PRKN: variants seen among roughly 807,000 people sequenced by gnomAD.
PRKN encodes the protein parkin RBR E3 ubiquitin protein ligase, also known as E3 ubiquitin-protein ligase parkin.
A neutral mutation model predicts 59.5 loss-of-function variants in PRKN; 56 were observed. That is an observed-to-expected ratio of 0.94 (90% confidence interval 0.76 to 1.18). The LOEUF is 1.18. Ranked by LOEUF, PRKN falls within the 50% of genes most tolerant of loss-of-function variation. PRKN has a pLI of 0.00. For synonymous variants in PRKN, 250 were observed against 222.1 expected, an observed-to-expected ratio of 1.13 and a Z score of -1.12; for missense variants, 657 against 596.4, an observed-to-expected ratio of 1.10 and a Z score of -1.06.
chr6:162,521,662 ATATG>A (rs1778082367), intron 1 of PRKN, among the ~76,000 whole-genome samples: 1 of 152,110 alleles, frequency 6.6e-6, no homozygotes, highest in Non-Finnish European at 1.5e-5. Context: ...AGCATATTAT[ATATG>A]TGTGTATGTG....
At chr6:162,235,910 G>GAATC (rs1562602018) in intron 3 of PRKN, among the ~76,000 whole-genome samples, 1 of 50,294 alleles carries the variant, frequency 2.0e-5, no homozygotes, top group African/African-American at 1.5e-4. Context: ...GGAAAGGAAG[G>GAATC]AAGGAAGGAA....
chr6:161,910,609 G>T (rs1291225158), intron 6 of PRKN, among the ~76,000 whole-genome samples: 2 of 152,168 alleles, frequency 1.3e-5, no homozygotes, highest in Non-Finnish European at 2.9e-5. Context: ...CTTTGACAGG[G>T]TTTGAGAGGA....
chr6:162,182,966 CT>C (rs1022888914), intron 4 of PRKN, among the ~76,000 whole-genome samples: 6 of 151,718 alleles, frequency 4.0e-5, no homozygotes, highest in Admixed American at 6.6e-5. Context: ...TTTCTGACAC[CT>C]TTTTTTCTTT....
At chr6:162,118,260 C>G (rs1005830013) in intron 4 of PRKN, among the ~76,000 whole-genome samples, 1 of 151,818 alleles carries the variant, frequency 6.6e-6, no homozygotes, top group African/African-American at 2.4e-5. Flanking sequence ...AAAAAATTAG[C>G]CAGGCGTGGT....
intron 6 of PRKN, among the ~76,000 whole-genome samples, chr6:161,787,234 A>G (rs1440266876): frequency 6.6e-6 from 1 of 152,202 alleles, no homozygotes; most frequent in Non-Finnish European, 1.5e-5. Flanking sequence ...CTGTTATCCC[A>G]CTTACTTCAA....
chr6:162,598,052 A>G (rs968196460), intron 1 of PRKN, among the ~76,000 whole-genome samples: 1 of 152,232 alleles, frequency 6.6e-6, no homozygotes, highest in African/African-American at 2.4e-5. Context: ...ATGGAAATGA[A>G]TTCATTTCAC....
At chr6:161,630,388 C>T (rs1162589774) in intron 7 of PRKN, among the ~76,000 whole-genome samples, 1 of 152,178 alleles carries the variant, frequency 6.6e-6, no homozygotes, top group African/African-American at 2.4e-5. Context: ...GGGTGACACA[C>T]ACGGTATGTC....
intron 2 of PRKN, among the ~76,000 whole-genome samples, chr6:162,407,616 A>G (rs1788136444): frequency 1.3e-5 from 2 of 152,202 alleles, no homozygotes; most frequent in Admixed American, 1.3e-4. Flanking sequence ...TCTTAAAATT[A>G]TTACATAACA....
chr6:162,139,850 GT>G (rs1781704369), intron 4 of PRKN, among the ~76,000 whole-genome samples: 2 of 149,200 alleles, frequency 1.3e-5, no homozygotes, highest in African/African-American at 5.0e-5. Flanking sequence ...ACTTTGAGTT[GT>G]TTTAAACATT....
rs890253947 is a variant in PRKN at position 161,428,718 on chromosome 6, A to AT, written c.1084-41842dup. Among the ~76,000 whole-genome samples the AT allele has an allele frequency of 1.5e-4, 23 of 151,904 alleles. No homozygotes were observed. Among genetic ancestry groups the AT allele is most frequent in the Admixed American group, 8.5e-4 (13 of 15,248 alleles). ...TCACAACCAAAAAAAGCACATTCAC[A>AT]TTTTTTTTCTTTCATTTTTCTGCCT... On this transcript the variant is annotated intron_variant, in intron 9 of 11. Coordinates refer to ENST00000366898, the MANE Select transcript of PRKN (RefSeq NM_004562.3). The surrounding 1 kb of genome is among the most constrained non-coding windows in gnomAD (Gnocchi z 4.0).
intron 4 of PRKN, among the ~76,000 whole-genome samples, chr6:162,188,577 C>T (rs145247576): frequency 2.0e-5 from 3 of 152,282 alleles, no homozygotes; most frequent in Admixed American, 6.5e-5. Flanking sequence ...ATTTCAGGAT[C>T]TTCTTTCATA....
chr6:161,939,595 G>A (rs1216140344), intron 6 of PRKN, among the ~76,000 whole-genome samples: 1 of 151,262 alleles, frequency 6.6e-6, no homozygotes, highest in African/African-American at 2.4e-5. Flanking sequence ...AGTCGGGTGT[G>A]GTGGTGGGTT....
chr6:162,399,981 G>A (rs193267567), intron 2 of PRKN, among the ~76,000 whole-genome samples: 11 of 152,268 alleles, frequency 7.2e-5, no homozygotes, highest in East Asian at 5.8e-4. Context: ...CAAAGTGGGC[G>A]GATCACCTTA....
chr6:162,538,125 G>A (rs1220837118), intron 1 of PRKN, among the ~76,000 whole-genome samples: 1 of 152,200 alleles, frequency 6.6e-6, no homozygotes, highest in Admixed American at 6.5e-5. Flanking sequence ...CTCGGCGGGT[G>A]CGGTGGCTCA....
At chr6:161,968,932 T>A (rs1273102352) in intron 6 of PRKN, among the ~76,000 whole-genome samples, 3 of 152,218 alleles carry the variant, frequency 2.0e-5, no homozygotes, top group Non-Finnish European at 2.9e-5. Flanking sequence ...AGCTTTCATA[T>A]GGAGAAAGTT....
At chr6:161,810,270 C>A (rs1024229426) in intron 6 of PRKN, among the ~76,000 whole-genome samples, 9 of 152,184 alleles carry the variant, frequency 5.9e-5, no homozygotes, top group Non-Finnish European at 1.3e-4. Context: ...AGAGAGGCCT[C>A]AGAAGAAACC....
At chr6:162,563,404 C>A (rs989790513) in intron 1 of PRKN, among the ~76,000 whole-genome samples, 3 of 152,160 alleles carry the variant, frequency 2.0e-5, no homozygotes, top group African/African-American at 7.2e-5. Context: ...CAGATCTTGT[C>A]CAAGACCATC....
At chr6:162,713,737 T>C (rs1383113711) in intron 1 of PRKN, among the ~76,000 whole-genome samples, 1 of 152,152 alleles carries the variant, frequency 6.6e-6, no homozygotes, top group East Asian at 1.9e-4. Context: ...ATACTTATAC[T>C]GTTTTGTAAA....
intron 3 of PRKN, among the ~76,000 whole-genome samples, chr6:162,205,739 C>T (rs1784908800): frequency 7.5e-6 from 1 of 134,054 alleles, no homozygotes; most frequent in African/African-American, 2.6e-5. Flanking sequence ...TTAATATATA[C>T]ACACACAGAC....
Sources: gnomAD v4.1 joint callset for allele counts (sites outside exome capture counted in the v4.1 genomes callset) on GRCh38, gnomAD v4.1.1 for gene constraint, Gnocchi (gnomAD v3.1) non-coding constraint, MANE v1.5 for transcripts, NCBI Gene and HGNC (gene_info 2026-07-23, HGNC 2026-07-21) for gene names.